The following UBE4B variants were observed in gnomAD, a reference collection of about 807,000 sequenced individuals.
UBE4B encodes the protein ubiquitin conjugation factor E4 B.
UBE4B carries 27 observed loss-of-function variants against 148.1 expected under a neutral mutation model. The observed-to-expected ratio is 0.18, with a 90% CI of 0.13 to 0.25. The LOEUF is 0.25. Among genes scored for constraint, UBE4B ranks in the 10% least tolerant of loss-of-function variants. UBE4B has a pLI of 1.00. For synonymous variants in UBE4B, 596 were observed against 619.3 expected (o/e 0.96, Z 0.56); for missense variants, 1,170 against 1,662.4 (o/e 0.70, Z 5.15).
intron 17 of UBE4B, among the ~76,000 whole-genome samples, chr1:10,142,411 G>A (rs1449949875): frequency 2.0e-5 from 3 of 152,276 alleles, no homozygotes; most frequent in Non-Finnish European, 4.4e-5. Context: ...AGTGGCTCAC[G>A]CCTGTAATCC....
At chr1:10,043,343 T>G (rs1445510244) in intron 1 of UBE4B, among the ~76,000 whole-genome samples, 1 of 151,616 alleles carries the variant, frequency 6.6e-6, no homozygotes, top group East Asian at 1.9e-4. Flanking sequence ...ATCTCAACTG[T>G]TTTTCAATCA....
At chr1:10,115,265 G>T (rs1050636680) in intron 7 of UBE4B, among the ~76,000 whole-genome samples, 8 of 150,964 alleles carry the variant, frequency 5.3e-5, no homozygotes. Context: ...GGGATTACAG[G>T]CATGAGCCAC....
intron 1 of UBE4B, among the ~76,000 whole-genome samples, chr1:10,041,009 T>C (rs1265207405): frequency 6.6e-6 from 1 of 152,132 alleles, no homozygotes; most frequent in Non-Finnish European, 1.5e-5. Flanking sequence ...GTTGCTACCA[T>C]TCACTTTATA....
At chr1:10,117,347 G>A in intron 7 of UBE4B, 112 bp from the exon 8 acceptor site, 4 of 1,400,074 alleles carry the variant, frequency 2.9e-6, no homozygotes, top group Non-Finnish European at 2.9e-6. Context: ...ATGGGTGTTT[G>A]TGCTTTGTTA....
intron 25 of UBE4B, among the ~76,000 whole-genome samples, chr1:10,178,298 T>C (rs1383538966): frequency 6.6e-6 from 1 of 152,070 alleles, no homozygotes; most frequent in African/African-American, 2.4e-5. Flanking sequence ...GATTTCCTTC[T>C]CTTTTTAATG....
At chr1:10,056,861 C>G (rs902682631) in intron 1 of UBE4B, among the ~76,000 whole-genome samples, 1 of 152,200 alleles carries the variant, frequency 6.6e-6, no homozygotes. Flanking sequence ...AGGCCTCACT[C>G]TGCCACCCAG....
At chr1:10,102,064 CAT>C (rs112020330) in intron 4 of UBE4B, among the ~76,000 whole-genome samples, 3,075 of 151,182 alleles carry the variant, frequency 0.02, 98 homozygotes, top group African/African-American at 0.069. Flanking sequence ...TTTAGCAACA[CAT>C]GTTAATGATT....
intron 2 of UBE4B, among the ~76,000 whole-genome samples, chr1:10,091,292 G>A (rs1052319562): frequency 2.0e-5 from 3 of 152,138 alleles, no homozygotes; most frequent in African/African-American, 7.2e-5. Context: ...TCAAGTTTGG[G>A]GTGGGAGAGG....
At chr1:10,098,030 A>G (rs1466020547) in intron 3 of UBE4B, among the ~76,000 whole-genome samples, 1 of 151,808 alleles carries the variant, frequency 6.6e-6, no homozygotes. Context: ...GCCACCACGC[A>G]TGGCTAATTT....
At chr1:10,140,881 T>C (rs1645772410) in intron 17 of UBE4B, among the ~76,000 whole-genome samples, 5 of 152,216 alleles carry the variant, frequency 3.3e-5, no homozygotes, top group Admixed American at 2.6e-4. Context: ...CTGAATTAGA[T>C]CAAAGAATAT....
chr1:10,146,621 T>G (rs1397481636), intron 18 of UBE4B, among the ~76,000 whole-genome samples: 1 of 152,086 alleles, frequency 6.6e-6, no homozygotes, highest in Non-Finnish European at 1.5e-5. Flanking sequence ...CAGACACTGA[T>G]TGTTTGGCTT....
At chr1:10,128,029 A>C (rs1461938805) in intron 11 of UBE4B, among the ~76,000 whole-genome samples, 1 of 152,236 alleles carries the variant, frequency 6.6e-6, no homozygotes, top group Non-Finnish European at 1.5e-5. Context: ...TGTACATGTT[A>C]TTGGGGCTCC....
intron 23 of UBE4B, among the ~76,000 whole-genome samples, chr1:10,164,630 G>A (rs771939110): frequency 6.6e-5 from 10 of 152,190 alleles, no homozygotes; most frequent in Non-Finnish European, 1.2e-4. Flanking sequence ...TTTTTCCTGT[G>A]TTAATGGATG....
chr1:10,107,288 T>A (rs1645130068), intron 7 of UBE4B: 1 of 1,289,464 alleles, frequency 7.8e-7, no homozygotes. Flanking sequence ...ATGAAGAAGA[T>A]GAAGAAGAAG....
intron 17 of UBE4B, among the ~76,000 whole-genome samples, chr1:10,142,959 T>C (rs1043097354): frequency 2.0e-5 from 3 of 151,228 alleles, no homozygotes; most frequent in Non-Finnish European, 4.4e-5. Flanking sequence ...AATACAAAAA[T>C]TAGCCAGGCA....
Position 10,146,280 on chromosome 1 carries a change from C to T in UBE4B, c.2464-683C>T, listed in dbSNP as rs977978943. Among the ~76,000 whole-genome samples the T allele has an allele frequency of 2.1e-4, 32 of 152,084 alleles. 1 individual carries two copies. Among genetic ancestry groups the T allele is most frequent in the East Asian group, 1.7e-3 (9 of 5,174 alleles). ...CAGCCTGGCCAACATGGTGAAACCCCGTCTCTACTAAAAATACAAAAATTA... is the reference window on the plus strand; with the variant it reads ...CAGCCTGGCCAACATGGTGAAACCCTGTCTCTACTAAAAATACAAAAATTA... On this transcript the variant is annotated intron_variant, in intron 18 of 27. Coordinates refer to ENST00000343090, the MANE Select transcript of UBE4B (RefSeq NM_001105562.3).
intron 18 of UBE4B, among the ~76,000 whole-genome samples, chr1:10,146,692 G>T (rs1274063460): frequency 1.3e-5 from 2 of 151,978 alleles, no homozygotes; most frequent in African/African-American, 4.8e-5. Flanking sequence ...TCCTCATCAG[G>T]TTATTTACTT....
At chr1:10,062,179 A>G in intron 1 of UBE4B, among the ~76,000 whole-genome samples, 1 of 151,808 alleles carries the variant, frequency 6.6e-6, no homozygotes, top group East Asian at 1.9e-4. Context: ...AAGTGTTGGG[A>G]TTACAGGCCT....
In UBE4B at chr1:10,130,722, T is replaced by C; in HGVS notation, c.1820T>C (p.Val607Ala). 6.2e-7 allele frequency: 1 copy of C among 1,614,086 alleles called. No individual in the cohort carries two copies. The highest frequency in any genetic ancestry group is 8.5e-7 in the Non-Finnish European group (1 of 1,179,984). The change falls in exon 14 of 28, where the codon GTG becomes GCG. Residue 607 changes from valine to alanine, a missense_variant. Coordinates refer to ENST00000343090, the MANE Select transcript of UBE4B (RefSeq NM_001105562.3). ...TTTTCCTTCTCTTTCCAGGTTAAAGTGGTTGAAAAATACTTCTCAGGGCCT... is the reference window on the plus strand; with the variant it reads ...TTTTCCTTCTCTTTCCAGGTTAAAGCGGTTGAAAAATACTTCTCAGGGCCT... ...FSVFAEDDVK[V>A]VEKYFSGPAI...
Sources: allele counts gnomAD v4.1 joint callset (sites outside exome capture counted in the v4.1 genomes callset), GRCh38; gene constraint gnomAD v4.1.1; transcripts MANE v1.5; gene names NCBI Gene and HGNC (gene_info 2026-07-23, HGNC 2026-07-21).